Variants in FGF12 observed in about 807,000 individuals in gnomAD.
FGF12 encodes fibroblast growth factor 12, also known as fibroblast growth factor 12B.
A neutral mutation model predicts 23.6 loss-of-function variants in FGF12; 14 were observed. That is an observed-to-expected ratio of 0.59 (90% CI 0.39 to 0.93). The LOEUF is 0.93. FGF12 is among the 40% of genes least tolerant of loss of function. The pLI is 0.00. For synonymous variants in FGF12, 62 were observed against 77.3 expected (o/e 0.80, Z 1.04); for missense variants, 175 against 217.8 (o/e 0.80, Z 1.24).
At chr3:192,702,147 C>T (rs2108730716) in intron 2 of FGF12, among the ~76,000 whole-genome samples, 1 of 152,250 alleles carries the variant, frequency 6.6e-6, no homozygotes, top group South Asian at 2.1e-4. Flanking sequence ...GGCTTATTTC[C>T]CTTAATGGGA....
intron 3 of FGF12, among the ~76,000 whole-genome samples, chr3:192,352,741 A>T (rs1026892841): frequency 6.6e-6 from 1 of 152,228 alleles, no homozygotes; most frequent in Non-Finnish European, 1.5e-5. Flanking sequence ...CAGCCCTATG[A>T]TCTAAATATT....
intron 4 of FGF12, chr3:192,238,800 T>C (rs1213613820): frequency 6.6e-6 from 1 of 152,192 alleles, no homozygotes; most frequent in Non-Finnish European, 1.5e-5. Context: ...CTTTGGTCAT[T>C]CCACATGTAA....
chr3:192,518,799 A>G (rs1261107468), intron 2 of FGF12, among the ~76,000 whole-genome samples: 1 of 152,068 alleles, frequency 6.6e-6, no homozygotes. Context: ...TACAATCTTG[A>G]TACTGTTTTT....
intron 2 of FGF12, among the ~76,000 whole-genome samples, chr3:192,380,318 CTT>C (rs1719761499): frequency 6.6e-6 from 1 of 152,078 alleles, no homozygotes; most frequent in South Asian, 2.1e-4. Flanking sequence ...GAGTTCTAGA[CTT>C]AATATTGGTT....
intron 2 of FGF12, among the ~76,000 whole-genome samples, chr3:192,465,815 A>G (rs1273327971): frequency 1.3e-5 from 2 of 152,180 alleles, no homozygotes; most frequent in African/African-American, 4.8e-5. Context: ...CTGCTGAAGA[A>G]AAGAGCACCC....
At chr3:192,323,499 T>A (rs2108684239) in intron 4 of FGF12, among the ~76,000 whole-genome samples, 1 of 152,184 alleles carries the variant, frequency 6.6e-6, no homozygotes, top group East Asian at 1.9e-4. Context: ...TTGCAGGAGT[T>A]AAAAATTAAA....
chr3:192,630,573 G>A (rs1426820120), intron 2 of FGF12, among the ~76,000 whole-genome samples: 1 of 56,278 alleles, frequency 1.8e-5, no homozygotes, highest in Non-Finnish European at 3.9e-5. Context: ...TTTTTTTTTA[G>A]ATGGAGTCTT....
At position 192,442,954 on chromosome 3, in the gene FGF12, C is replaced by T. The variant is rs147490734; in HGVS notation, c.14-82416G>A. Among the ~76,000 whole-genome samples, 346 of 151,994 alleles carry T rather than the reference C, an allele frequency of 2.3e-3. 1 individual carries two copies. Among genetic ancestry groups the T allele is most frequent in the African/African-American group, 7.8e-3 (324 of 41,434 alleles). ...TCCCTAGTAGCTGGGATTACAGGTGCCTGCCACCATGCCCGGCTAATTTTT... is the reference window on the plus strand; with the variant it reads ...TCCCTAGTAGCTGGGATTACAGGTGTCTGCCACCATGCCCGGCTAATTTTT... On this transcript the variant is annotated intron_variant, in intron 2 of 5. Transcript: ENST00000445105.
At chr3:192,490,063 C>T (rs1242173188) in intron 2 of FGF12, among the ~76,000 whole-genome samples, 1 of 152,060 alleles carries the variant, frequency 6.6e-6, no homozygotes, top group Non-Finnish European at 1.5e-5. Context: ...AAAATCCATC[C>T]TCATTTGATG....
chr3:192,645,746 T>C (rs1171304980), intron 2 of FGF12, among the ~76,000 whole-genome samples: 1 of 112,052 alleles, frequency 8.9e-6, no homozygotes, highest in Non-Finnish European at 1.7e-5. Flanking sequence ...ATGCTGAGGA[T>C]ACAGCAGTTG....
At chr3:192,245,259 C>A (rs1711511391) in intron 4 of FGF12, among the ~76,000 whole-genome samples, 2 of 141,768 alleles carry the variant, frequency 1.4e-5, no homozygotes, top group South Asian at 4.5e-4. Flanking sequence ...CCATGCCCGG[C>A]AATTTTATTT....
chr3:192,248,186 C>T (rs2108602949), intron 4 of FGF12, among the ~76,000 whole-genome samples: 1 of 152,186 alleles, frequency 6.6e-6, no homozygotes, highest in Non-Finnish European at 1.5e-5. Context: ...ATAAAAATTA[C>T]AAATGGCAAA....
intron 4 of FGF12, among the ~76,000 whole-genome samples, chr3:192,256,647 A>G (rs951481331): frequency 6.6e-6 from 1 of 152,146 alleles, no homozygotes; most frequent in African/African-American, 2.4e-5. Flanking sequence ...ATGCTCTTTG[A>G]GCCATTTTAA....
chr3:192,714,433 C>T (rs1452771020), intron 2 of FGF12, among the ~76,000 whole-genome samples: 2 of 151,088 alleles, frequency 1.3e-5, no homozygotes, highest in Admixed American at 6.6e-5. Flanking sequence ...AGCACAGTTG[C>T]AAAATGCACG....
At chr3:192,372,391 T>TCACACACACACA (rs58664869) in intron 2 of FGF12, among the ~76,000 whole-genome samples, 268 of 149,090 alleles carry the variant, frequency 1.8e-3, no homozygotes, top group African/African-American at 5.7e-3. Context: ...TTTCATACCA[T>TCACACACACACA]CACACACACA....
chr3:192,400,373 T>TC (rs1383479013), intron 2 of FGF12, among the ~76,000 whole-genome samples: 1 of 149,368 alleles, frequency 6.7e-6, no homozygotes, highest in Non-Finnish European at 1.5e-5. Flanking sequence ...TCTTTTCTTT[T>TC]TTTTTTTTTT....
intron 2 of FGF12, among the ~76,000 whole-genome samples, chr3:192,652,084 C>T (rs569072851): frequency 2.8e-4 from 42 of 152,322 alleles, no homozygotes; most frequent in African/African-American, 9.4e-4. Flanking sequence ...TATCAAACCT[C>T]ACACGATCCC....
intron 2 of FGF12, among the ~76,000 whole-genome samples, chr3:192,462,402 A>G (rs775170585): frequency 6.6e-6 from 1 of 152,076 alleles, no homozygotes; most frequent in South Asian, 2.1e-4. Context: ...ATGAAGAGGA[A>G]GAGAGATCTG....
At position 192,362,285 on chromosome 3, in the gene FGF12, C is replaced by T. The variant is rs552111521; in HGVS notation, c.14-1747G>A. On this transcript the variant is annotated intron_variant, in intron 2 of 5. Coordinates refer to ENST00000445105, the MANE Select transcript of FGF12 (RefSeq NM_004113.6). ...TTAGTTCTAGGGTACATGAGCACAA[C>T]GTGCAAGTTTGTTACATATGTATAC... is the stretch of plus-strand genomic sequence containing the variant. 9.2e-5 allele frequency among the ~76,000 whole-genome samples: 14 copies of T among 152,248 alleles called. No individual in the cohort carries two copies. The South Asian group carries it at 2.3e-3, about 25-fold the overall frequency.
Sources: gnomAD v4.1 joint callset for allele counts (sites outside exome capture counted in the v4.1 genomes callset) on GRCh38, gnomAD v4.1.1 for gene constraint, MANE v1.5 for transcripts, NCBI Gene and HGNC (gene_info 2026-07-23, HGNC 2026-07-21) for gene names.